MIDN: variants seen among roughly 807,000 people sequenced by gnomAD.
The protein encoded by MIDN is midnolin.
MIDN carries 26 observed loss-of-function variants against 46.1 expected under a neutral mutation model. That is an observed-to-expected ratio of 0.56 (90% CI 0.41 to 0.78). The LOEUF is 0.78. MIDN is among the 30% of genes least tolerant of loss of function. MIDN has a pLI of 0.00. For missense variants in MIDN, 850 were observed against 771.8 expected, an observed-to-expected ratio of 1.10 and a Z score of -1.20; for synonymous variants, 432 against 343.3, an observed-to-expected ratio of 1.26 and a Z score of -2.86.
intron 1 of MIDN, among the ~76,000 whole-genome samples, chr19:1,249,647 G>T (rs1013131665): frequency 1.4e-5 from 2 of 147,198 alleles, no homozygotes; most frequent in African/African-American, 4.9e-5. Flanking sequence ...CCCCGCCCCC[G>T]CTGCGCTCCC....
At chr19:1,255,754 T>C in intron 8 of MIDN, 60 bp downstream of exon 8, 1 of 1,438,116 alleles carries the variant, frequency 7.0e-7, no homozygotes, top group Non-Finnish European at 9.2e-7. Flanking sequence ...TCAAGGCCCC[T>C]CTGTGTGAGC....
Position 1,257,526 on chromosome 19 carries a change from C to CTCCTCT in MIDN, c.*259_*260insTTCCTC. The CTCCTCT allele has an allele frequency of 2.2e-6, 1 of 449,476 alleles. No individual in the cohort carries two copies. Among genetic ancestry groups the CTCCTCT allele is most frequent in the South Asian group, 3.2e-5 (1 of 30,922 alleles). The allele number at this position is 449,476 out of a possible 1,614,324, so 27.8% of individuals were successfully genotyped here. A position where few individuals can be genotyped will look rare whatever the true frequency, so the allele number is the denominator to read the frequency against. ...CACTCCTGCCCTCCTCTTCCTCCTC[C>CTCCTCT]TCCTCCTCCTCCGTCTGTCTCCTTT... On this transcript the variant is annotated 3_prime_UTR_variant, in exon 9 of 9. Coordinates refer to ENST00000682408, the MANE Select transcript of MIDN (RefSeq NM_001388306.1).
rs1259791516 is a variant in MIDN, at chr19:1,257,496, C to A, written c.*224C>A. The A allele has an allele frequency of 3.9e-6, 2 of 509,296 alleles. No homozygotes were observed. The highest frequency in any genetic ancestry group is 4.2e-5 in the African/African-American group (2 of 48,060). 31.5% of individuals were successfully genotyped at this position (509,296 alleles called of 1,614,324 possible). On this transcript the variant is annotated 3_prime_UTR_variant, in exon 9 of 9. Transcript: ENST00000682408. ...TGGGCTTTGCTTCCTACCTCCTTCA[C>A]CCTTCACTCCTGCCCTCCTCTTCCT...
chr19:1,252,180 C>G (rs1033517535), intron 4 of MIDN, among the ~76,000 whole-genome samples: 2 of 152,216 alleles, frequency 1.3e-5, no homozygotes, highest in African/African-American at 2.4e-5. Flanking sequence ...CCTATGGGGC[C>G]TCATCCCCGC....
intron 8 of MIDN, among the ~76,000 whole-genome samples, chr19:1,256,234 A>G (rs935353813): frequency 3.9e-5 from 6 of 152,240 alleles, no homozygotes; most frequent in African/African-American, 1.2e-4. Flanking sequence ...CTGTAATCCC[A>G]GCACTTTGGG....
rs2081185030 is a variant in MIDN, at chr19:1,255,282, C to T, written c.986-140C>T. Reference sequence around the variant, plus strand: ...CTGCATACTGGGGACGTGTCCCGCTCCCGCCCCGTGGTCCCTCGTGCACAT... The same window carrying T: ...CTGCATACTGGGGACGTGTCCCGCTTCCGCCCCGTGGTCCCTCGTGCACAT... On this transcript the variant is annotated intron_variant, in intron 7 of 8. Transcript: ENST00000682408. 7.3e-6 allele frequency: 9 copies of T among 1,240,942 alleles called. No individual in the cohort carries two copies. In the South Asian group the frequency reaches 1.2e-4, roughly 17 times the overall value. The allele number at this position is 1,240,942 out of a possible 1,614,324, so 76.9% of individuals were successfully genotyped here. A position where few individuals can be genotyped will look rare whatever the true frequency, so the allele number is the denominator to read the frequency against.
chr19:1,257,590 C>G lies in MIDN; in HGVS notation c.*318C>G, dbSNP rs2145501080. 1 of 328,706 alleles carries G rather than the reference C, an allele frequency of 3.0e-6. No homozygotes were observed. The highest frequency in any genetic ancestry group is 6.3e-5 in the East Asian group (1 of 15,864). The allele number at this position is 328,706 out of a possible 1,614,324, so 20.4% of individuals were successfully genotyped here. A position where few individuals can be genotyped will look rare whatever the true frequency, so the allele number is the denominator to read the frequency against. On this transcript the variant is annotated 3_prime_UTR_variant, in exon 9 of 9. Coordinates refer to ENST00000682408, the MANE Select transcript of MIDN (RefSeq NM_001388306.1). ...GGTCGGTCCTCCCTGCCAACCTTCC[C>G]CAGCTCCAATATGTAGCAGTCTCTC... is the stretch of plus-strand genomic sequence containing the variant.
intron 4 of MIDN, among the ~76,000 whole-genome samples, chr19:1,252,846 A>ACAG (rs1461319289): frequency 1.3e-5 from 2 of 151,762 alleles, no homozygotes; most frequent in African/African-American, 4.8e-5. Context: ...GGGGGTGGCC[A>ACAG]CAGCAGCAGC....
Position 1,257,647 on chromosome 19 carries a change from C to T in MIDN, c.*375C>T, listed in dbSNP as rs535019876. On this transcript the variant is annotated 3_prime_UTR_variant, in exon 9 of 9. Transcript: ENST00000682408. The stretch of plus-strand genomic sequence containing the variant: ...GCGGAGAGTGAAGGAGACGGAGAAA[C>T]GCGCCCCATCCCTTCCGCCGCCTCC... 1.2e-3 allele frequency: 277 copies of T among 225,056 alleles called. 6 individuals carry two copies. The Admixed American group carries it at 0.014, about 11-fold the overall frequency. 13.9% of individuals were successfully genotyped at this position (225,056 alleles called of 1,614,324 possible).
Position 1,255,441 on chromosome 19 carries a change from C to T in MIDN, c.1005C>T (p.Cys335=). The T allele has an allele frequency of 6.3e-7, 1 of 1,597,886 alleles. No homozygotes were observed. Among genetic ancestry groups the T allele is most frequent in the Non-Finnish European group, 8.5e-7 (1 of 1,173,140 alleles). The change falls in exon 8 of 9, where the codon TGC becomes TGT. Residue 335 remains cysteine (C), a synonymous_variant. Transcript: ENST00000682408. ...CCGCAGGCACGCTACACCCCAACTG[C>T]CAAGACAGCAGCGGGCGGCCGCGGC... is the stretch of plus-strand genomic sequence containing the variant. ...GTFSGTLHPN[C]QDSSGRPRRD... is the part of the protein sequence containing the mutation.
In MIDN at chr19:1,250,170, C is replaced by A; in HGVS notation, c.-127C>A. 1 of 228,234 alleles carries A rather than the reference C, an allele frequency of 4.4e-6. No individual in the cohort carries two copies. The highest frequency in any genetic ancestry group is 7.3e-6 in the Non-Finnish European group (1 of 137,748). The allele number at this position is 228,234 out of a possible 1,614,324, so 14.1% of individuals were successfully genotyped here. A position where few individuals can be genotyped will look rare whatever the true frequency, so the allele number is the denominator to read the frequency against. On this transcript the variant is annotated 5_prime_UTR_variant, in exon 2 of 9. Transcript: ENST00000682408. ...GCGGCCGGGACTTTCTCGAGGAGGA[C>A]GCGCGCTGCTCCGCGCCCCCGAGTG...
At position 1,259,142 on chromosome 19, in the gene MIDN, C is replaced by G. The variant is rs570501052; in HGVS notation, c.*1870C>G. 2.0e-5 allele frequency: 3 copies of G among 151,614 alleles called. No individual in the cohort carries two copies. In the South Asian group the frequency reaches 6.3e-4, roughly 32 times the overall value. 9.4% of individuals were successfully genotyped at this position (151,614 alleles called of 1,614,324 possible). A position where few individuals can be genotyped will look rare whatever the true frequency, so the allele number is the denominator to read the frequency against. On this transcript the variant is annotated 3_prime_UTR_variant, in exon 9 of 9. Coordinates refer to ENST00000682408, the MANE Select transcript of MIDN (RefSeq NM_001388306.1). Reference sequence around the variant, plus strand: ...CAAGTAATAAACAGAAAATGAAACACACATTGACTCCCGCCTGCTCGCCTA... The same window carrying G: ...CAAGTAATAAACAGAAAATGAAACAGACATTGACTCCCGCCTGCTCGCCTA...
chr19:1,254,169 C>G lies in MIDN; in HGVS notation c.516C>G (p.Val172=). The change falls in exon 6 of 9, where the codon GTC becomes GTG. Residue 172 remains valine, a splice_region_variant and synonymous_variant. Transcript: ENST00000682408. Reference sequence around the variant, plus strand: ...CTGACGGACCGCTCTCCTTGCAGGTCAGTGACTTCCTGTCGGGCCGTTCGC... The same window carrying G: ...CTGACGGACCGCTCTCCTTGCAGGTGAGTGACTTCCTGTCGGGCCGTTCGC... ...SPERGGERPQ[V]SDFLSGRSPL... 1 of 1,594,216 alleles carries G rather than the reference C, an allele frequency of 6.3e-7. No homozygotes were observed. The highest frequency in any genetic ancestry group is 8.5e-7 in the Non-Finnish European group (1 of 1,175,762).
At chr19:1,249,643 C>T (rs2081097789) in intron 1 of MIDN, among the ~76,000 whole-genome samples, 1 of 147,994 alleles carries the variant, frequency 6.8e-6, no homozygotes, top group Non-Finnish European at 1.5e-5. Context: ...CCAGCCCCGC[C>T]CCCGCTGCGC....
At chr19:1,252,366 G>C (rs1033084440) in intron 4 of MIDN, among the ~76,000 whole-genome samples, 5 of 152,066 alleles carry the variant, frequency 3.3e-5, no homozygotes, top group African/African-American at 1.2e-4. Flanking sequence ...AGAGGGTGGG[G>C]ATCTCGTCAC....
intron 2 of MIDN, 89 bp from the exon 3 acceptor site, chr19:1,251,473 C>G (rs1166667212): frequency 1.2e-5 from 14 of 1,210,136 alleles, no homozygotes; most frequent in Admixed American, 2.4e-5. Flanking sequence ...CGTCTCTCCC[C>G]ACACAAGCAC....
chr19:1,256,436 C>T (rs906605968), intron 8 of MIDN, among the ~76,000 whole-genome samples: 8 of 150,254 alleles, frequency 5.3e-5, no homozygotes, highest in African/African-American at 1.7e-4. Context: ...GAGCCGAGAT[C>T]GCGCCACTGC....
chr19:1,250,689 C>T lies in MIDN; in HGVS notation c.233+160C>T, dbSNP rs943994242. ...CTCTGCTCGGCCTCGCCTGCCTCGG[C>T]CCCCTCCCCCGCCCGGGGTCGCCGC... On this transcript the variant is annotated intron_variant, in intron 2 of 8. Transcript: ENST00000682408. Among the ~76,000 whole-genome samples the T allele has an allele frequency of 4.0e-5, 6 of 150,888 alleles. No homozygotes were observed. The East Asian group carries it at 7.8e-4, about 20-fold the overall frequency.
intron 7 of MIDN, 82 bp from the exon 8 acceptor site, chr19:1,255,340 A>G: frequency 2.1e-6 from 3 of 1,460,816 alleles, no homozygotes; most frequent in South Asian, 2.7e-5. Flanking sequence ...GCCTGAGCTC[A>G]TGAGCTCACA....
Sources: allele counts gnomAD v4.1 joint callset (sites outside exome capture counted in the v4.1 genomes callset), GRCh38; gene constraint gnomAD v4.1.1; transcripts MANE v1.5; gene names NCBI Gene and HGNC (gene_info 2026-07-23, HGNC 2026-07-21).